FRMD5: variants seen among roughly 807,000 people sequenced by gnomAD.
FRMD5 encodes FERM domain-containing protein 5.
A neutral mutation model predicts 69.0 loss-of-function variants in FRMD5; 20 were observed. That is an observed-to-expected ratio of 0.29 (90% CI 0.20 to 0.42). The LOEUF is 0.42. Among genes scored for constraint, FRMD5 ranks in the 10% least tolerant of loss-of-function variants. The probability of loss-of-function intolerance (pLI) is 1.00; values close to 1 mark genes in which losing one functional copy is unlikely to be tolerated. For synonymous variants in FRMD5, 271 were observed against 260.1 expected (o/e 1.04, Z -0.40); for missense variants, 595 against 708.6 (o/e 0.84, Z 1.82).
At chr15:44,013,640 C>CT (rs945300749) in intron 1 of FRMD5, among the ~76,000 whole-genome samples, 25 of 152,228 alleles carry the variant, frequency 1.6e-4, no homozygotes, top group African/African-American at 6.0e-4. Flanking sequence ...TGAATTCCAG[C>CT]TTGGTTGTAA....
chr15:43,974,494 C>T (rs2412845), intron 1 of FRMD5, among the ~76,000 whole-genome samples: 14,956 of 152,114 alleles, frequency 0.098, 1,288 homozygotes, highest in African/African-American at 0.23. Context: ...GTCCCATTCC[C>T]GCATCTACCT....
At chr15:44,070,758 A>G (rs952504421) in intron 1 of FRMD5, among the ~76,000 whole-genome samples, 3 of 152,158 alleles carry the variant, frequency 2.0e-5, no homozygotes, top group Non-Finnish European at 4.4e-5. Context: ...TTAACATCCT[A>G]TCCAACCTTT....
chr15:44,066,818 C>T (rs1893330844), intron 1 of FRMD5, among the ~76,000 whole-genome samples: 1 of 152,026 alleles, frequency 6.6e-6, no homozygotes, highest in South Asian at 2.1e-4. Flanking sequence ...AGTGAAACTG[C>T]TCTTTCAAGA....
intron 1 of FRMD5, among the ~76,000 whole-genome samples, chr15:44,088,249 G>GC (rs1894287000): frequency 6.6e-6 from 1 of 151,986 alleles, no homozygotes; most frequent in Non-Finnish European, 1.5e-5. Context: ...CAGTTTTAGA[G>GC]CATTTTCACC....
In FRMD5 at chr15:43,873,122, A is replaced by G. The variant is rs904225594; in HGVS notation, c.*763T>C. The stretch of plus-strand genomic sequence containing the variant: ...CACGTTAAGTCTAGTTTCATTATAC[A>G]AAACTATGGTGATGCCCACTAGGCT... On this transcript the variant is annotated 3_prime_UTR_variant, in exon 14 of 14. Coordinates refer to ENST00000417257, the MANE Select transcript of FRMD5 (RefSeq NM_032892.5). The G allele has an allele frequency of 1.4e-6, 2 of 1,479,738 alleles. No individual in the cohort carries two copies. Among genetic ancestry groups the G allele is most frequent in the African/African-American group, 1.4e-5 (1 of 70,998 alleles). 91.7% of individuals were successfully genotyped at this position (1,479,738 alleles called of 1,614,324 possible).
intron 1 of FRMD5, among the ~76,000 whole-genome samples, chr15:44,097,467 CAAG>C (rs2076570196): frequency 6.6e-6 from 1 of 152,188 alleles, no homozygotes. Flanking sequence ...GTCAACCAGA[CAAG>C]AAGAGGGGCT....
At chr15:44,158,021 T>C (rs2077554575) in intron 1 of FRMD5, among the ~76,000 whole-genome samples, 1 of 152,164 alleles carries the variant, frequency 6.6e-6, no homozygotes, top group Non-Finnish European at 1.5e-5. Flanking sequence ...TAGTTGAGCA[T>C]CTGGCGGAAC....
chr15:44,167,071 T>C (rs1171987663), intron 1 of FRMD5, among the ~76,000 whole-genome samples: 1 of 152,144 alleles, frequency 6.6e-6, no homozygotes, highest in African/African-American at 2.4e-5. Context: ...ATTAGACTTT[T>C]CCATATAAAA....
chr15:43,973,252 G>C (rs2090412338), intron 1 of FRMD5, among the ~76,000 whole-genome samples: 3 of 152,040 alleles, frequency 2.0e-5, no homozygotes, highest in Non-Finnish European at 1.5e-5. Context: ...TCGATCTCCT[G>C]ACCTCATGAT....
rs1259830423 is a variant in FRMD5 at position 43,873,308 on chromosome 15, G to GGAT, written c.*574_*576dup. On this transcript the variant is annotated 3_prime_UTR_variant, in exon 14 of 14. Coordinates refer to ENST00000417257, the MANE Select transcript of FRMD5 (RefSeq NM_032892.5). ...AACTTTCCATTTAATCATTCTACAT[G>GGAT]GATGTTTACTTTTTTAAAAGTTCTG... 6.6e-7 allele frequency: 1 copy of GGAT among 1,513,394 alleles called. No homozygotes were observed. Among genetic ancestry groups the GGAT allele is most frequent in the East Asian group, 2.5e-5 (1 of 40,642 alleles). 93.7% of individuals were successfully genotyped at this position (1,513,394 alleles called of 1,614,324 possible).
chr15:44,177,305 A>G (rs1226511424), intron 1 of FRMD5, among the ~76,000 whole-genome samples: 1 of 152,242 alleles, frequency 6.6e-6, no homozygotes, highest in Admixed American at 6.5e-5. Flanking sequence ...ATAATAGCCA[A>G]AAAGTTGAAA....
intron 1 of FRMD5, among the ~76,000 whole-genome samples, chr15:43,969,089 CTT>C (rs767527729): frequency 4.5e-4 from 62 of 137,024 alleles, no homozygotes; most frequent in Admixed American, 5.9e-4. Flanking sequence ...TGCCTTCATT[CTT>C]TTTTTTTTTT....
At chr15:43,906,271 C>G (rs557194719) in intron 5 of FRMD5, among the ~76,000 whole-genome samples, 1 of 152,258 alleles carries the variant, frequency 6.6e-6, no homozygotes, top group East Asian at 1.9e-4. Context: ...TCATCCATTC[C>G]GCCATGAGAA....
At chr15:44,004,049 ATGG>A (rs1890329546) in intron 1 of FRMD5, among the ~76,000 whole-genome samples, 1 of 152,226 alleles carries the variant, frequency 6.6e-6, no homozygotes, top group Non-Finnish European at 1.5e-5. Context: ...TTTTGGCAGC[ATGG>A]TTTGACTAAA....
intron 1 of FRMD5, among the ~76,000 whole-genome samples, chr15:44,095,935 G>A (rs867572884): frequency 6.6e-6 from 1 of 152,126 alleles, no homozygotes; most frequent in African/African-American, 2.4e-5. Context: ...GGCCGGGTGC[G>A]GCGGCTCACG....
intron 1 of FRMD5, among the ~76,000 whole-genome samples, chr15:44,021,517 A>T (rs936574478): frequency 1.3e-5 from 2 of 152,334 alleles, no homozygotes; most frequent in East Asian, 3.9e-4. Flanking sequence ...TTCCCAAAGA[A>T]GATATACAAA....
At chr15:43,919,231 G>C (rs1454671022) in intron 4 of FRMD5, 1 of 674,820 alleles carries the variant, frequency 1.5e-6, no homozygotes, top group East Asian at 3.0e-5. Flanking sequence ...AGTTCAAGAG[G>C]TAGTATTCAC....
chr15:44,130,274 G>C (rs2077080834), intron 1 of FRMD5, among the ~76,000 whole-genome samples: 1 of 152,236 alleles, frequency 6.6e-6, no homozygotes, highest in African/African-American at 2.4e-5. Context: ...TCGCCCACTA[G>C]TCTGGGACAG....
intron 5 of FRMD5, among the ~76,000 whole-genome samples, chr15:43,906,777 A>G (rs1329197806): frequency 7.3e-6 from 1 of 137,390 alleles, no homozygotes; most frequent in Admixed American, 6.8e-5. Flanking sequence ...GATTTTTTGT[A>G]TTTTTAGTAG....
Sources: allele counts gnomAD v4.1 joint callset (sites outside exome capture counted in the v4.1 genomes callset), GRCh38; gene constraint gnomAD v4.1.1; transcripts MANE v1.5; gene names NCBI Gene and HGNC (gene_info 2026-07-23, HGNC 2026-07-21).